Variants in TMEM132D observed in about 807,000 individuals in gnomAD.
TMEM132D encodes the protein mature OL transmembrane protein.
A neutral mutation model predicts 62.3 loss-of-function variants in TMEM132D; 21 were observed. The observed-to-expected ratio is 0.34, with a 90% CI of 0.24 to 0.49. TMEM132D has a LOEUF of 0.49. Among genes scored for constraint, TMEM132D ranks in the 20% least tolerant of loss-of-function variants. The pLI is 0.99. For missense variants in TMEM132D, 1,346 were observed against 1,402.8 expected, an observed-to-expected ratio of 0.96 and a Z score of 0.65; for synonymous variants, 621 against 575.6, an observed-to-expected ratio of 1.08 and a Z score of -1.13.
At chr12:129,611,054 T>G (rs774374170) in intron 2 of TMEM132D, among the ~76,000 whole-genome samples, 3 of 152,178 alleles carry the variant, frequency 2.0e-5, no homozygotes, top group Admixed American at 6.5e-5. Flanking sequence ...ATGGCAGAAT[T>G]CAAACCAGGA....
chr12:129,379,928 T>C (rs1359496783), intron 3 of TMEM132D, among the ~76,000 whole-genome samples: 2 of 152,198 alleles, frequency 1.3e-5, no homozygotes, highest in Admixed American at 6.5e-5. Context: ...CGTGGAGAGG[T>C]TGGAAATGCC....
At chr12:129,734,624 G>C (rs999579310) in intron 1 of TMEM132D, among the ~76,000 whole-genome samples, 1 of 152,074 alleles carries the variant, frequency 6.6e-6, no homozygotes, top group African/African-American at 2.4e-5. Flanking sequence ...TCTTATATTA[G>C]TTGGACACAT....
intron 4 of TMEM132D, among the ~76,000 whole-genome samples, chr12:129,234,219 A>G (rs1472471359): frequency 6.6e-6 from 1 of 152,218 alleles, no homozygotes; most frequent in Admixed American, 6.5e-5. Flanking sequence ...AGGAATGGAA[A>G]TTAAAAGGAG....
At chr12:129,215,433 C>T (rs555899042) in intron 4 of TMEM132D, among the ~76,000 whole-genome samples, 1 of 152,288 alleles carries the variant, frequency 6.6e-6, no homozygotes. Context: ...CTCCATGACA[C>T]ATTTCCCTTT....
intron 5 of TMEM132D, among the ~76,000 whole-genome samples, chr12:129,132,995 C>T (rs1233136071): frequency 6.6e-6 from 1 of 152,118 alleles, no homozygotes; most frequent in African/African-American, 2.4e-5. Flanking sequence ...CCTCTGATGT[C>T]TGAATGTGGC....
intron 4 of TMEM132D, among the ~76,000 whole-genome samples, chr12:129,229,475 A>G (rs753263885): frequency 4.6e-5 from 7 of 152,180 alleles, no homozygotes; most frequent in Non-Finnish European, 8.8e-5. Flanking sequence ...CTGCTCTTTG[A>G]AACTGAGGGA....
At chr12:129,826,131 AC>A (rs1199524295) in intron 1 of TMEM132D, among the ~76,000 whole-genome samples, 1 of 152,122 alleles carries the variant, frequency 6.6e-6, no homozygotes, top group Non-Finnish European at 1.5e-5. Context: ...GCATCCCTGA[AC>A]TGTGCAGAAG....
At chr12:129,203,078 G>A (rs1282810077) in intron 5 of TMEM132D, among the ~76,000 whole-genome samples, 1 of 152,166 alleles carries the variant, frequency 6.6e-6, no homozygotes, top group African/African-American at 2.4e-5. Context: ...TAACCTAACT[G>A]CACGTTCAAC....
intron 3 of TMEM132D, among the ~76,000 whole-genome samples, chr12:129,446,561 G>A (rs760196818): frequency 2.0e-5 from 3 of 152,134 alleles, no homozygotes; most frequent in Non-Finnish European, 2.9e-5. Flanking sequence ...GATATTTAAT[G>A]TCCATTTTGT....
chr12:129,805,972 G>T (rs1346780418), intron 1 of TMEM132D, among the ~76,000 whole-genome samples: 2 of 131,258 alleles, frequency 1.5e-5, no homozygotes, highest in African/African-American at 5.8e-5. Context: ...TCAGAGAAAT[G>T]CAAATCAAAA....
intron 1 of TMEM132D, among the ~76,000 whole-genome samples, chr12:129,877,541 G>A (rs1874458159): frequency 6.6e-6 from 1 of 152,140 alleles, no homozygotes; most frequent in African/African-American, 2.4e-5. Flanking sequence ...AAACAGACAT[G>A]GGTCAGAACA....
chr12:129,750,297 G>A (rs1869958148), intron 1 of TMEM132D, among the ~76,000 whole-genome samples: 1 of 152,096 alleles, frequency 6.6e-6, no homozygotes, highest in African/African-American at 2.4e-5. Context: ...TGTTAGCCAG[G>A]ATGGTCTCGA....
rs200410955 is a variant in TMEM132D at position 129,106,462 on chromosome 12, C to CA, written c.1444-21761dup. Among the ~76,000 whole-genome samples, 373 of 151,662 alleles carry CA rather than the reference C, an allele frequency of 2.5e-3. 1 individual carries two copies. The highest frequency in any genetic ancestry group is 6.6e-3 in the African/African-American group (272 of 41,414). On this transcript the variant is annotated intron_variant, in intron 5 of 8. Coordinates refer to ENST00000422113, the MANE Select transcript of TMEM132D (RefSeq NM_133448.3). The stretch of plus-strand genomic sequence containing the variant: ...AAATAAAAATAAATGCAATCCCTAT[C>CA]AAAAAAAAGTTAAAAAATAAAAAAA...
chr12:129,752,234 T>TGCGCACACACACACAC (rs1297365389), intron 1 of TMEM132D, among the ~76,000 whole-genome samples: 1 of 151,940 alleles, frequency 6.6e-6, no homozygotes, highest in African/African-American at 2.4e-5. Flanking sequence ...CACACACACA[T>TGCGCACACACACACAC]GCGCACACAC....
At chr12:129,320,989 C>CCT (rs1293695417) in intron 4 of TMEM132D, among the ~76,000 whole-genome samples, 1 of 148,868 alleles carries the variant, frequency 6.7e-6, no homozygotes, top group Non-Finnish European at 1.5e-5. Context: ...TACCTACCTA[C>CCT]CTACCTACCT....
chr12:129,766,437 A>C (rs770682457), intron 1 of TMEM132D, among the ~76,000 whole-genome samples: 75 of 152,328 alleles, frequency 4.9e-4, no homozygotes, highest in Middle Eastern at 3.4e-3. Context: ...ATAGTCTAAT[A>C]GTGTTAAGTA....
intron 3 of TMEM132D, among the ~76,000 whole-genome samples, chr12:129,397,150 G>C (rs1012888663): frequency 6.6e-6 from 1 of 152,160 alleles, no homozygotes; most frequent in African/African-American, 2.4e-5. Context: ...GATGTAGATA[G>C]AGCCCATTTT....
At chr12:129,380,467 T>A (rs916035310) in intron 3 of TMEM132D, among the ~76,000 whole-genome samples, 1 of 152,190 alleles carries the variant, frequency 6.6e-6, no homozygotes, top group Non-Finnish European at 1.5e-5. Flanking sequence ...AATTGTAACA[T>A]CTTCTAGAAT....
At chr12:129,306,895 G>T (rs1019555032) in intron 4 of TMEM132D, among the ~76,000 whole-genome samples, 22 of 152,154 alleles carry the variant, frequency 1.4e-4, no homozygotes, top group African/African-American at 5.3e-4. Flanking sequence ...GTGAGCGCCC[G>T]ACTGGCCAAG....
Sources: allele counts gnomAD v4.1 joint callset (sites outside exome capture counted in the v4.1 genomes callset), GRCh38; gene constraint gnomAD v4.1.1; transcripts MANE v1.5; gene names NCBI Gene and HGNC (gene_info 2026-07-23, HGNC 2026-07-21).